Variants in GRM1 observed in about 807,000 individuals in gnomAD.
GRM1 encodes the protein metabotropic glutamate receptor 1.
A neutral mutation model predicts 90.9 loss-of-function variants in GRM1; 33 were observed. That is an observed-to-expected ratio of 0.36 (90% CI 0.28 to 0.49). GRM1 has a LOEUF of 0.49. GRM1 is among the 20% of genes least tolerant of loss of function. GRM1 has a pLI of 0.99. For missense variants in GRM1, 1,190 were observed against 1,534.3 expected (o/e 0.78, Z 3.75); for synonymous variants, 700 against 613.2 (o/e 1.14, Z -2.09).
chr6:146,064,976 T>C (rs1032300991), intron 1 of GRM1, among the ~76,000 whole-genome samples: 3 of 152,008 alleles, frequency 2.0e-5, no homozygotes, highest in Non-Finnish European at 4.4e-5. Context: ...AAGATAATTG[T>C]CAAAGTTGCT....
intron 1 of GRM1, among the ~76,000 whole-genome samples, chr6:146,049,652 T>TATCTATC (rs1216974581): frequency 1.3e-4 from 4 of 30,034 alleles, no homozygotes; most frequent in African/African-American, 5.0e-4. Context: ...CCTCCTTTCA[T>TATCTATC]ATCTATCTAT....
rs960613850 is a variant in GRM1 at position 146,436,269 on chromosome 6, G to A, written c.*1473G>A. ...GGATGGACATTTTTCTTCTAAGATGGAACTTATTTTTCAGATATTTTCTGA... is the reference window on the plus strand; with the variant it reads ...GGATGGACATTTTTCTTCTAAGATGAAACTTATTTTTCAGATATTTTCTGA... On this transcript the variant is annotated 3_prime_UTR_variant, in exon 8 of 8. Coordinates refer to ENST00000282753, the MANE Select transcript of GRM1 (RefSeq NM_001278064.2). 2 of 152,098 alleles carry A rather than the reference G, an allele frequency of 1.3e-5. No individual in the cohort carries two copies. Among genetic ancestry groups the A allele is most frequent in the Non-Finnish European group, 2.9e-5 (2 of 68,008 alleles). 9.4% of individuals were successfully genotyped at this position (152,098 alleles called of 1,614,324 possible).
In GRM1 at chr6:146,434,376, C is replaced by T. The variant is rs1178140918; in HGVS notation, c.3165C>T (p.Pro1055=). Residue 1055 remains proline (P), a synonymous_variant, in exon 8 of 8, where the codon CCC becomes CCT. Transcript: ENST00000282753. ...ATTTTCACGCGGTGCTGGCAGGCCC[C>T]GGTGGTCCCGGGAACGGGCTGCGGT... ...IPDFHAVLAG[P]GGPGNGLRSL... 7.4e-6 allele frequency: 12 copies of T among 1,613,354 alleles called. No individual in the cohort carries two copies. Among genetic ancestry groups the T allele is most frequent in the Admixed American group, 1.7e-5 (1 of 60,004 alleles).
intron 1 of GRM1, among the ~76,000 whole-genome samples, chr6:146,096,034 C>G (rs934319743): frequency 6.6e-6 from 1 of 152,108 alleles, no homozygotes; most frequent in African/African-American, 2.4e-5. Flanking sequence ...GCTAAGGGTA[C>G]TTTAACTTCA....
At chr6:146,078,119 T>C (rs1776248099) in intron 1 of GRM1, among the ~76,000 whole-genome samples, 1 of 152,184 alleles carries the variant, frequency 6.6e-6, no homozygotes, top group Non-Finnish European at 1.5e-5. Context: ...CCTTTGTCGC[T>C]CTGTGTGATG....
At chr6:146,390,903 C>T (rs1313647733) in intron 6 of GRM1, among the ~76,000 whole-genome samples, 1 of 151,874 alleles carries the variant, frequency 6.6e-6, no homozygotes, top group Non-Finnish European at 1.5e-5. Context: ...AAGAAAAAAG[C>T]CTTTGCAGAA....
chr6:146,332,857 C>A (rs1784631913), intron 3 of GRM1, among the ~76,000 whole-genome samples: 1 of 152,110 alleles, frequency 6.6e-6, no homozygotes, highest in Admixed American at 6.6e-5. Flanking sequence ...CTAATATACC[C>A]AAAATATAAC....
At chr6:146,090,867 A>G (rs1776692952) in intron 1 of GRM1, among the ~76,000 whole-genome samples, 1 of 152,006 alleles carries the variant, frequency 6.6e-6, no homozygotes, top group South Asian at 2.1e-4. Context: ...CAATCCCTGA[A>G]CCTTTAAGTT....
At chr6:146,376,304 A>G (rs1776096108) in intron 5 of GRM1, among the ~76,000 whole-genome samples, 1 of 152,134 alleles carries the variant, frequency 6.6e-6, no homozygotes, top group African/African-American at 2.4e-5. Context: ...ACTTAAGAGT[A>G]GTTTACATAC....
intron 3 of GRM1, among the ~76,000 whole-genome samples, chr6:146,351,277 G>A (rs541894798): frequency 2.2e-4 from 33 of 152,212 alleles, no homozygotes; most frequent in African/African-American, 7.5e-4. Flanking sequence ...ACATCACATC[G>A]ACCCCCTACT....
intron 2 of GRM1, among the ~76,000 whole-genome samples, chr6:146,255,441 T>A (rs1312313996): frequency 6.6e-6 from 1 of 152,148 alleles, no homozygotes; most frequent in Non-Finnish European, 1.5e-5. Context: ...CTAGGAGAAC[T>A]GTGGCAATCT....
At chr6:146,255,217 A>G (rs1175629905) in intron 2 of GRM1, among the ~76,000 whole-genome samples, 1 of 152,142 alleles carries the variant, frequency 6.6e-6, no homozygotes, top group Non-Finnish European at 1.5e-5. Context: ...TGGTACAAAC[A>G]TATATTTTGG....
At chr6:146,276,713 C>T (rs1384961580) in intron 2 of GRM1, among the ~76,000 whole-genome samples, 1 of 151,864 alleles carries the variant, frequency 6.6e-6, no homozygotes, top group Admixed American at 6.6e-5. Flanking sequence ...AAAATCTTGA[C>T]TAAAGAATAA....
At chr6:146,067,828 A>G (rs1158010878) in intron 1 of GRM1, among the ~76,000 whole-genome samples, 2 of 152,202 alleles carry the variant, frequency 1.3e-5, no homozygotes, top group Non-Finnish European at 2.9e-5. Flanking sequence ...AATGTTGTGA[A>G]AATAGTTTCC....
intron 1 of GRM1, among the ~76,000 whole-genome samples, chr6:146,112,270 A>G (rs550692671): frequency 1.1e-3 from 165 of 150,184 alleles, no homozygotes; most frequent in Non-Finnish European, 2.1e-3. Flanking sequence ...TCACTTTTGT[A>G]TGATTATCTA....
chr6:146,167,192 T>G (rs1293740435), intron 2 of GRM1, among the ~76,000 whole-genome samples: 1 of 152,170 alleles, frequency 6.6e-6, no homozygotes, highest in East Asian at 1.9e-4. Context: ...ACTTTTGAGA[T>G]TCCTTCATGC....
In GRM1 at chr6:146,318,431, C is replaced by G. The variant is rs929370940; in HGVS notation, c.1186+13585C>G. On this transcript the variant is annotated intron_variant, in intron 3 of 7. Transcript: ENST00000282753. ...ATGGGCATTTGGGTTGGTTCCGAGTCTTTGCTATTGTGAAAAGTGCTGCAA... is the reference window on the plus strand; with the variant it reads ...ATGGGCATTTGGGTTGGTTCCGAGTGTTTGCTATTGTGAAAAGTGCTGCAA... Among the ~76,000 whole-genome samples, 4 of 152,204 alleles carry G rather than the reference C, an allele frequency of 2.6e-5. No individual in the cohort carries two copies. In the East Asian group the frequency reaches 7.7e-4, roughly 29 times the overall value.
At chr6:146,143,579 C>T (rs1776978196) in intron 1 of GRM1, among the ~76,000 whole-genome samples, 1 of 152,180 alleles carries the variant, frequency 6.6e-6, no homozygotes, top group African/African-American at 2.4e-5. Context: ...TTTTCAGTGA[C>T]TGCATACCTA....
chr6:146,173,410 G>GAAAAAAAAAAAAAAAAAAAAAA (rs1182745924), intron 2 of GRM1, among the ~76,000 whole-genome samples: 1 of 84,126 alleles, frequency 1.2e-5, no homozygotes, highest in African/African-American at 4.2e-5. Context: ...GAAAAGAAAA[G>GAAAAAAAAAAAAAAAAAAAAAA]AAAAAAAAAA....
Sources: gnomAD v4.1 joint callset for allele counts (sites outside exome capture counted in the v4.1 genomes callset) on GRCh38, gnomAD v4.1.1 for gene constraint, MANE v1.5 for transcripts, NCBI Gene and HGNC (gene_info 2026-07-23, HGNC 2026-07-21) for gene names.